Variants in SLCO6A1 observed in about 807,000 individuals in gnomAD.
The protein encoded by SLCO6A1 is cancer/testis antigen 48.
In SLCO6A1, 65 loss-of-function variants were observed where a neutral mutation model predicts 72.7. The observed-to-expected ratio is 0.89, with a 90% CI of 0.73 to 1.10. The LOEUF is 1.10. Ranked by LOEUF, SLCO6A1 falls within the 50% of genes least tolerant of loss-of-function variation. The pLI is 0.00. For synonymous variants in SLCO6A1, 314 were observed against 298.2 expected (o/e 1.05, Z -0.55); for missense variants, 874 against 872.6 (o/e 1.00, Z -0.02).
At chr5:102,426,812 T>C (rs574402568) in intron 7 of SLCO6A1, among the ~76,000 whole-genome samples, 1 of 152,328 alleles carries the variant, frequency 6.6e-6, no homozygotes, top group African/African-American at 2.4e-5. Context: ...TAAAGACACA[T>C]GCACAAGTAT....
chr5:102,447,676 A>G (rs984331032), intron 6 of SLCO6A1, among the ~76,000 whole-genome samples: 1 of 152,138 alleles, frequency 6.6e-6, no homozygotes, highest in Non-Finnish European at 1.5e-5. Flanking sequence ...TGCTTGTAAT[A>G]GTCTCTGAGG....
At chr5:102,470,517 A>AT (rs1189748390) in intron 4 of SLCO6A1, among the ~76,000 whole-genome samples, 3 of 152,070 alleles carry the variant, frequency 2.0e-5, no homozygotes, top group East Asian at 1.9e-4. Flanking sequence ...CCCTTTTATC[A>AT]TTTTTTATTG....
chr5:102,421,525 C>T (rs1408278865), intron 7 of SLCO6A1, among the ~76,000 whole-genome samples: 6 of 152,100 alleles, frequency 3.9e-5, no homozygotes, highest in Non-Finnish European at 8.8e-5. Flanking sequence ...ACTGGTGGAA[C>T]CCCCAACAGC....
chr5:102,387,513 G>A (rs769722405), intron 12 of SLCO6A1, among the ~76,000 whole-genome samples: 3 of 152,030 alleles, frequency 2.0e-5, no homozygotes, highest in Non-Finnish European at 1.5e-5. Flanking sequence ...TTGTTGAATT[G>A]CCTCTAACAA....
intron 7 of SLCO6A1, among the ~76,000 whole-genome samples, chr5:102,435,290 A>G (rs1277015542): frequency 6.6e-6 from 1 of 152,172 alleles, no homozygotes; most frequent in African/African-American, 2.4e-5. Flanking sequence ...GACAATTTCA[A>G]TGCATGTTTG....
At chr5:102,399,876 G>A in intron 9 of SLCO6A1, 134 bp from the exon 10 acceptor site, 1 of 562,806 alleles carries the variant, frequency 1.8e-6, no homozygotes, top group Non-Finnish European at 2.9e-6. Context: ...TTTATATTAA[G>A]CCTGCTATGT....
At chr5:102,450,542 G>A (rs1344698461) in intron 6 of SLCO6A1, among the ~76,000 whole-genome samples, 1 of 152,214 alleles carries the variant, frequency 6.6e-6, no homozygotes, top group Non-Finnish European at 1.5e-5. Flanking sequence ...CTCTGAGAGT[G>A]TGGGCTCCTT....
chr5:102,414,856 C>T (rs777680114), intron 8 of SLCO6A1, among the ~76,000 whole-genome samples: 7 of 151,802 alleles, frequency 4.6e-5, no homozygotes, highest in Admixed American at 2.0e-4. Flanking sequence ...GATTGTACCA[C>T]GGCACTGCAG....
At chr5:102,423,024 T>C (rs1321896419) in intron 7 of SLCO6A1, among the ~76,000 whole-genome samples, 2 of 152,062 alleles carry the variant, frequency 1.3e-5, no homozygotes, top group Admixed American at 6.6e-5. Flanking sequence ...CCAACCAAAC[T>C]AAGCTTCATA....
intron 7 of SLCO6A1, 117 bp downstream of exon 7, chr5:102,438,500 C>T (rs1749665654): frequency 1.3e-6 from 1 of 796,562 alleles, no homozygotes; most frequent in Admixed American, 3.8e-5. Context: ...GTAAAATCTG[C>T]ACAAATCATA....
chr5:102,442,122 T>C (rs1749868346), intron 6 of SLCO6A1, among the ~76,000 whole-genome samples: 1 of 152,176 alleles, frequency 6.6e-6, no homozygotes, highest in South Asian at 2.1e-4. Context: ...AAGAAACAAA[T>C]CTAGTTTTTA....
intron 6 of SLCO6A1, among the ~76,000 whole-genome samples, chr5:102,445,363 T>C (rs1450623369): frequency 1.3e-5 from 2 of 152,232 alleles, no homozygotes; most frequent in African/African-American, 4.8e-5. Context: ...CACATGTATG[T>C]TTTCTTTTGA....
At chr5:102,440,755 G>A (rs918709927) in intron 6 of SLCO6A1, among the ~76,000 whole-genome samples, 2 of 152,068 alleles carry the variant, frequency 1.3e-5, no homozygotes, top group African/African-American at 4.8e-5. Context: ...CTAAGTTATG[G>A]GGTAGTTTAT....
At chr5:102,490,337 T>C (rs187825436) in intron 1 of SLCO6A1, among the ~76,000 whole-genome samples, 8 of 152,332 alleles carry the variant, frequency 5.3e-5, no homozygotes, top group Admixed American at 1.3e-4. Flanking sequence ...TAAACATAAA[T>C]TGAAATACTA....
rs753209004 is a variant in SLCO6A1 at position 102,480,352 on chromosome 5, C to T, written c.441G>A (p.Leu147=). ...CAGATGAAATATCGTAACTCTTTTC[C>T]AATGCCAACTTCTCAATGGTTTTCA... ...YQLKTIEKLA[L]EKSYDISSGL... The change falls in exon 2 of 14, where the codon TTG becomes TTA. Residue 147 remains leucine (L), a synonymous_variant. Transcript: ENST00000506729. 1.9e-6 allele frequency: 3 copies of T among 1,613,438 alleles called. No homozygotes were observed. The highest frequency in any genetic ancestry group is 2.7e-5 in the African/African-American group (2 of 74,872).
Position 102,439,094 on chromosome 5 carries a change from T to C in SLCO6A1, c.1132-333A>G, listed in dbSNP as rs570245112. 2.0e-5 allele frequency among the ~76,000 whole-genome samples: 3 copies of C among 152,148 alleles called. No homozygotes were observed. In the East Asian group the frequency reaches 5.8e-4, roughly 29 times the overall value. ...AAAAATAGGTAAATTATTAACCATA[T>C]ATCTAGAATTTCTCCTTACTTTTGC... On this transcript the variant is annotated intron_variant, in intron 6 of 13. Coordinates refer to ENST00000506729, the MANE Select transcript of SLCO6A1 (RefSeq NM_173488.5).
intron 6 of SLCO6A1, among the ~76,000 whole-genome samples, chr5:102,455,634 T>C (rs1750668892): frequency 6.6e-6 from 1 of 152,150 alleles, no homozygotes; most frequent in Admixed American, 6.5e-5. Context: ...ATAAAAAAGA[T>C]AATATTGATA....
rs765988222 is a variant in SLCO6A1 at position 102,480,393 on chromosome 5, GA to G, written c.399del (p.Gln134ArgfsTer6). 16 of 1,613,266 alleles carry G rather than the reference GA, an allele frequency of 9.9e-6. No individual in the cohort carries two copies. Among genetic ancestry groups the G allele is most frequent in the Non-Finnish European group, 1.4e-5 (16 of 1,179,642 alleles). Reference protein sequence around the residue: ...FGLIDVSIGDFQKEYQLKTIE... With the variant: ...FGLIDVSIGDXQKEYQLKTIE... ...ATGGTTTTCAGTTGATATTCCTTCT[GA>G]AAATCGCCAATGCTGACATCTATAA... On this transcript the variant is annotated frameshift_variant, in exon 2 of 14. Coordinates refer to ENST00000506729, the MANE Select transcript of SLCO6A1 (RefSeq NM_173488.5). LOFTEE classifies it high-confidence loss of function.
intron 6 of SLCO6A1, among the ~76,000 whole-genome samples, chr5:102,447,468 G>C (rs550817584): frequency 6.6e-6 from 1 of 152,246 alleles, no homozygotes; most frequent in African/African-American, 2.4e-5. Context: ...TATGTGTCTA[G>C]TAGAATTTGG....
Sources: gnomAD v4.1 joint callset for allele counts (sites outside exome capture counted in the v4.1 genomes callset) on GRCh38, gnomAD v4.1.1 for gene constraint, MANE v1.5 for transcripts, NCBI Gene and HGNC (gene_info 2026-07-23, HGNC 2026-07-21) for gene names.